Variants in PCSK5 observed in about 807,000 individuals in gnomAD.
PCSK5 encodes prohormone convertase 5.
PCSK5 carries 129 observed loss-of-function variants against 233.2 expected under a neutral mutation model. The observed-to-expected ratio is 0.55, with a 90% CI of 0.48 to 0.64. The LOEUF (loss-of-function observed/expected upper bound fraction) is 0.64. Ranked by LOEUF, PCSK5 falls within the 30% of genes least tolerant of loss-of-function variation. The pLI is 0.00. For synonymous variants in PCSK5, 825 were observed against 879.2 expected, an observed-to-expected ratio of 0.94 and a Z score of 1.09; for missense variants, 2,076 against 2,430.1, an observed-to-expected ratio of 0.85 and a Z score of 3.06.
At chr9:75,909,058 C>A (rs1293492216) in intron 1 of PCSK5, among the ~76,000 whole-genome samples, 3 of 152,020 alleles carry the variant, frequency 2.0e-5, no homozygotes, top group Non-Finnish European at 4.4e-5. Context: ...GGTGCAGTGG[C>A]TCATGCCTGT....
Position 76,291,173 on chromosome 9 carries a change from C to T in PCSK5, c.3143-1060C>T, listed in dbSNP as rs547006002. Among the ~76,000 whole-genome samples, 3 of 152,260 alleles carry T rather than the reference C, an allele frequency of 2.0e-5. No individual in the cohort carries two copies. The East Asian group carries it at 5.8e-4, about 29-fold the overall frequency. ...TGCATTAGTTGTATTATGTGTAGTA[C>T]ACAGGAATATCATTTGGTAGCCTCC... is the stretch of plus-strand genomic sequence containing the variant. On this transcript the variant is annotated intron_variant, in intron 24 of 37. Coordinates refer to ENST00000674117, the MANE Select transcript of PCSK5 (RefSeq NM_001372043.1).
At chr9:76,288,967 G>A (rs1828175372) in intron 24 of PCSK5, among the ~76,000 whole-genome samples, 1 of 152,150 alleles carries the variant, frequency 6.6e-6, no homozygotes, top group African/African-American at 2.4e-5. Context: ...GGCATAGAAT[G>A]TAAATTGGCT....
chr9:76,309,226 A>G (rs1043513617), intron 29 of PCSK5, among the ~76,000 whole-genome samples: 6 of 152,168 alleles, frequency 3.9e-5, no homozygotes, highest in African/African-American at 1.4e-4. Context: ...TTAAAAAAGA[A>G]AAAAGTTTCT....
chr9:76,283,222 A>G (rs1166110014), intron 24 of PCSK5, among the ~76,000 whole-genome samples: 1 of 152,222 alleles, frequency 6.6e-6, no homozygotes, highest in Non-Finnish European at 1.5e-5. Context: ...TCGAATTTTC[A>G]AAGAAGTTCT....
chr9:76,276,700 C>T (rs1221564952), intron 24 of PCSK5, among the ~76,000 whole-genome samples: 3 of 152,222 alleles, frequency 2.0e-5, no homozygotes, highest in South Asian at 4.1e-4. Flanking sequence ...TAAATTAGGG[C>T]CTCTCCTCTC....
chr9:76,297,822 G>A (rs567404419), intron 27 of PCSK5, among the ~76,000 whole-genome samples: 1 of 152,204 alleles, frequency 6.6e-6, no homozygotes, highest in Admixed American at 6.5e-5. Context: ...ACAGCTCTGT[G>A]GTTTTTGCTG....
chr9:76,056,843 G>C (rs960850700), intron 5 of PCSK5, among the ~76,000 whole-genome samples: 7 of 152,032 alleles, frequency 4.6e-5, no homozygotes, highest in African/African-American at 1.7e-4. Flanking sequence ...ATTTATTTTA[G>C]ATGACATCCT....
At chr9:76,097,554 C>T (rs1054766395) in intron 8 of PCSK5, among the ~76,000 whole-genome samples, 1 of 152,240 alleles carries the variant, frequency 6.6e-6, no homozygotes, top group African/African-American at 2.4e-5. Context: ...TCTAGGCAAA[C>T]AGCCAGTGTA....
intron 1 of PCSK5, among the ~76,000 whole-genome samples, chr9:75,922,519 A>G (rs571849330): frequency 6.6e-6 from 1 of 152,326 alleles, no homozygotes; most frequent in African/African-American, 2.4e-5. Flanking sequence ...GGGAAGACCC[A>G]GTAGGGATGT....
chr9:76,226,545 G>A (rs192825336), intron 20 of PCSK5, among the ~76,000 whole-genome samples: 58 of 152,284 alleles, frequency 3.8e-4, no homozygotes, highest in Non-Finnish European at 6.6e-4. Context: ...CAGATTGACA[G>A]TGTTCAGACA....
chr9:76,027,170 T>G, intron 5 of PCSK5, 133 bp downstream of exon 5: 1 of 585,444 alleles, frequency 1.7e-6, no homozygotes, highest in Non-Finnish European at 3.1e-6. Context: ...TTAACAAGTG[T>G]CTTTCCACTG....
At chr9:76,010,417 G>GT (rs1827682183) in intron 3 of PCSK5, among the ~76,000 whole-genome samples, 1 of 152,134 alleles carries the variant, frequency 6.6e-6, no homozygotes, top group Admixed American at 6.5e-5. Flanking sequence ...AGGAAGTTCT[G>GT]TTTTTTGTTT....
chr9:76,070,017 T>G (rs903484163), intron 6 of PCSK5, among the ~76,000 whole-genome samples: 4 of 149,920 alleles, frequency 2.7e-5, no homozygotes, highest in Non-Finnish European at 5.9e-5. Flanking sequence ...TTTTTTTTTT[T>G]TTAGACGGAG....
intron 3 of PCSK5, among the ~76,000 whole-genome samples, chr9:76,017,323 C>G (rs1240140868): frequency 6.6e-6 from 1 of 152,176 alleles, no homozygotes; most frequent in East Asian, 1.9e-4. Flanking sequence ...AAATCATCCT[C>G]TCCTTATTTT....
At chr9:75,946,126 A>G (rs1409138444) in intron 2 of PCSK5, among the ~76,000 whole-genome samples, 1 of 152,216 alleles carries the variant, frequency 6.6e-6, no homozygotes, top group African/African-American at 2.4e-5. Flanking sequence ...TGAATAAATG[A>G]CATTTGAAAT....
chr9:75,960,886 C>T (rs1343422906), intron 2 of PCSK5, among the ~76,000 whole-genome samples: 1 of 152,164 alleles, frequency 6.6e-6, no homozygotes. Flanking sequence ...CAAATGGGCA[C>T]ATCTGGCTAC....
rs190054649 is a variant in PCSK5, at chr9:76,298,622, C to T, written c.3523+1757C>T. Among the ~76,000 whole-genome samples the T allele has an allele frequency of 6.8e-5, 10 of 146,230 alleles. No individual in the cohort carries two copies. In the East Asian group the frequency reaches 1.9e-3, roughly 28 times the overall value. On this transcript the variant is annotated intron_variant, in intron 27 of 37. Coordinates refer to ENST00000674117, the MANE Select transcript of PCSK5 (RefSeq NM_001372043.1). ...GTCCTGGGAGTATTTGAGCCAATGCCTACAACCTTCTCCTGACTTCTTTTG... is the reference window on the plus strand; with the variant it reads ...GTCCTGGGAGTATTTGAGCCAATGCTTACAACCTTCTCCTGACTTCTTTTG...
intron 3 of PCSK5, among the ~76,000 whole-genome samples, chr9:76,007,838 GT>G (rs1313584653): frequency 7.5e-4 from 111 of 148,730 alleles, no homozygotes; most frequent in African/African-American, 2.6e-3. Context: ...GTGTGTGTGT[GT>G]GTATTTTTTG....
chr9:76,050,775 A>C (rs1268205219), intron 5 of PCSK5, among the ~76,000 whole-genome samples: 1 of 152,196 alleles, frequency 6.6e-6, no homozygotes, highest in Non-Finnish European at 1.5e-5. Context: ...TCATTAGGCC[A>C]CAGGAGGTAA....
Sources: allele counts gnomAD v4.1 joint callset (sites outside exome capture counted in the v4.1 genomes callset), GRCh38; gene constraint gnomAD v4.1.1; transcripts MANE v1.5; gene names NCBI Gene and HGNC (gene_info 2026-07-23, HGNC 2026-07-21).